Variants in CAGE1 observed in about 807,000 individuals in gnomAD.
CAGE1 encodes cancer-associated gene 1 protein.
Under a neutral mutation model 94.9 loss-of-function variants are expected in CAGE1, and 66 were observed. That is an observed-to-expected ratio of 0.70 (90% CI 0.57 to 0.85). The LOEUF is 0.85. CAGE1 is among the 40% of genes least tolerant of loss of function. The pLI, the probability that CAGE1 is intolerant of heterozygous loss-of-function variation, is 0.00. For missense variants in CAGE1, 865 were observed against 950.4 expected (o/e 0.91, Z 1.18); for synonymous variants, 319 against 321.0 (o/e 0.99, Z 0.07).
rs1385506708 is a variant in CAGE1 at position 7,386,984 on chromosome 6, G to A, written c.190C>T (p.Pro64Ser). The change falls in exon 2 of 14, where the codon CCT (proline) becomes TCT (serine). Residue 64 changes from proline to serine, a missense_variant. By Grantham distance (74) the Pro-to-Ser change is moderately conservative (BLOSUM62 -1). Coordinates refer to ENST00000502583, the MANE Select transcript of CAGE1 (RefSeq NM_001170692.2). Reference protein sequence around the residue: ...METTGTTCDLPQNEIKNFERE... With the variant: ...METTGTTCDLSQNEIKNFERE... ...AACTTATAAGCAATGCACACCTGAGGCAAGTCACAAGTGGTGCCGGTGGTT... is the reference window on the plus strand; with the variant it reads ...AACTTATAAGCAATGCACACCTGAGACAAGTCACAAGTGGTGCCGGTGGTT... 6.5e-7 allele frequency: 1 copy of A among 1,548,878 alleles called. No individual in the cohort carries two copies.
At position 7,355,061 on chromosome 6, in the gene CAGE1, T is replaced by C. The variant is rs199529631; in HGVS notation, c.2349A>G (p.Ile783Met). 198 of 1,609,210 alleles carry C rather than the reference T, an allele frequency of 1.2e-4. No homozygotes were observed. The highest frequency in any genetic ancestry group is 1.9e-5 in the Non-Finnish European group (22 of 1,177,202). ...CTTACTGTGCAATCTGGGAGTGGGA[T>C]ATTGCAAGCCTTTGGTCAGCACATT... ...IIECADQRLA[I>M]SHSQIAHLEE... Residue 783 changes from isoleucine to methionine, a missense_variant, in exon 11 of 14, where the codon ATA becomes ATG. Physicochemically the swap from Ile to Met is conservative, Grantham distance 10 (BLOSUM62 1). Transcript: ENST00000502583.
At chr6:7,333,669 TATATACA>T (rs1758844831) in intron 12 of CAGE1, among the ~76,000 whole-genome samples, 3 of 84,440 alleles carry the variant, frequency 3.6e-5, no homozygotes, top group African/African-American at 1.9e-4. Context: ...TATATATATA[TATATACA>T]TTTTTTTTTT....
intron 11 of CAGE1, chr6:7,341,674 T>G (rs1759182195): frequency 1.4e-6 from 1 of 721,860 alleles, no homozygotes; most frequent in Non-Finnish European, 2.6e-6. Context: ...CAACTCAACC[T>G]TCACGTACAG....
chr6:7,345,150 T>C (rs899384086), intron 11 of CAGE1, among the ~76,000 whole-genome samples: 1 of 42,656 alleles, frequency 2.3e-5, no homozygotes, highest in African/African-American at 1.7e-4. Flanking sequence ...AGGAGCTAGG[T>C]CCATATTGCT....
At position 7,326,740 on chromosome 6, in the gene CAGE1, T is replaced by C; in HGVS notation, c.*118A>G. 1 of 756,258 alleles carries C rather than the reference T, an allele frequency of 1.3e-6. No individual in the cohort carries two copies. Among genetic ancestry groups the C allele is most frequent in the Non-Finnish European group, 2.3e-6 (1 of 429,622 alleles). The allele number at this position is 756,258 out of a possible 1,614,324, so 46.8% of individuals were successfully genotyped here. ...ATCACATCTTTGGAATGTAAGACTT[T>C]ACCCTTTATACAGATTTTAATATAT... On this transcript the variant is annotated 3_prime_UTR_variant, in exon 14 of 14. Transcript: ENST00000502583.
At chr6:7,360,075 T>G (rs796139566) in intron 9 of CAGE1, among the ~76,000 whole-genome samples, 14 of 152,308 alleles carry the variant, frequency 9.2e-5, no homozygotes, top group African/African-American at 2.9e-4. Flanking sequence ...AGCCAGCAAG[T>G]GTCGTAGCTT....
Position 7,356,048 on chromosome 6 carries a change from G to T in CAGE1, c.2275C>A (p.His759Asn). Residue 759 changes from histidine (H) to asparagine (N), a missense_variant, in exon 10 of 14, where the codon CAT becomes AAT. His to Asn is a moderately conservative substitution (Grantham distance 68, BLOSUM62 1). Transcript: ENST00000502583. ...LIEENDKYQRHLGNLIKKVTS... is the reference protein window; with the variant it reads ...LIEENDKYQRNLGNLIKKVTS... The stretch of plus-strand genomic sequence containing the variant: ...ACCTTCTTTATTAAGTTGCCTAAAT[G>T]TCTTTGATACTTGTCATTTTCTTCA... 6.5e-7 allele frequency: 1 copy of T among 1,544,436 alleles called. No individual in the cohort carries two copies. Among genetic ancestry groups the T allele is most frequent in the Non-Finnish European group, 8.8e-7 (1 of 1,140,460 alleles).
intron 11 of CAGE1, chr6:7,347,222 A>C (rs1430415617): frequency 6.6e-6 from 1 of 152,212 alleles, no homozygotes; most frequent in Non-Finnish European, 1.5e-5. Flanking sequence ...CCTCTGAAGG[A>C]AGCGGACTGC....
Position 7,346,498 on chromosome 6 carries a change from A to G in CAGE1, c.2369+8543T>C, listed in dbSNP as rs539796057. 3.6e-4 allele frequency among the ~76,000 whole-genome samples: 55 copies of G among 152,218 alleles called. No homozygotes were observed. In the South Asian group the frequency reaches 0.011, roughly 31 times the overall value. The stretch of plus-strand genomic sequence containing the variant: ...CAGGAGATGGAGATTGCAGTGAGCC[A>G]AGACTGCGCCACTGCACTCCGGCCT... On this transcript the variant is annotated intron_variant, in intron 11 of 13. Transcript: ENST00000502583.
intron 11 of CAGE1, among the ~76,000 whole-genome samples, chr6:7,351,556 C>T (rs1329256915): frequency 2.5e-5 from 2 of 81,018 alleles, no homozygotes; most frequent in East Asian, 3.4e-4. Context: ...AAAATAAGAT[C>T]ACAGCATTTT....
intron 9 of CAGE1, among the ~76,000 whole-genome samples, chr6:7,364,046 C>T (rs1581685215): frequency 6.6e-6 from 1 of 152,276 alleles, no homozygotes; most frequent in Admixed American, 6.5e-5. Flanking sequence ...CATTTGTGAC[C>T]TTGTTCCCAT....
chr6:7,347,612 A>G (rs372123375), intron 11 of CAGE1, among the ~76,000 whole-genome samples: 1,717 of 152,150 alleles, frequency 0.011, 19 homozygotes, highest in Non-Finnish European at 0.019. Flanking sequence ...TCTGGTTTGC[A>G]GACTCCACAG....
intron 9 of CAGE1, among the ~76,000 whole-genome samples, chr6:7,360,872 G>A (rs925944921): frequency 3.3e-5 from 5 of 151,860 alleles, no homozygotes; most frequent in African/African-American, 4.8e-5. Flanking sequence ...ACTTGAACCC[G>A]GGAGGTGGAG....
At chr6:7,349,670 T>C (rs4960306) in intron 11 of CAGE1, among the ~76,000 whole-genome samples, 57,373 of 152,006 alleles carry the variant, frequency 0.38, 11,005 homozygotes, top group Admixed American at 0.43. Flanking sequence ...CAGTGGCTCA[T>C]GCCTGTAATC....
chr6:7,336,179 A>G (rs148263217), intron 11 of CAGE1, among the ~76,000 whole-genome samples: 53 of 152,356 alleles, frequency 3.5e-4, no homozygotes, highest in Admixed American at 5.9e-4. Flanking sequence ...GAGAAATAAC[A>G]TGGAATAAAT....
intron 9 of CAGE1, among the ~76,000 whole-genome samples, chr6:7,360,548 C>T (rs1486615044): frequency 6.6e-6 from 1 of 152,180 alleles, no homozygotes; most frequent in Non-Finnish European, 1.5e-5. Flanking sequence ...ATAAATCAGG[C>T]ATCATTATTA....
intron 11 of CAGE1, among the ~76,000 whole-genome samples, chr6:7,352,287 C>A (rs1479539483): frequency 2.0e-5 from 2 of 102,060 alleles, no homozygotes; most frequent in East Asian, 2.9e-4. Context: ...TTTACAATAG[C>A]TGCAAAAAAA....
chr6:7,347,144 C>T (rs538619368), intron 11 of CAGE1, among the ~76,000 whole-genome samples: 6 of 152,030 alleles, frequency 3.9e-5, no homozygotes, highest in East Asian at 1.9e-4. Flanking sequence ...TGTGGAGGCT[C>T]GCGTCATGAA....
intron 4 of CAGE1, among the ~76,000 whole-genome samples, chr6:7,376,426 AAAT>A (rs1760746726): frequency 6.7e-6 from 1 of 149,090 alleles, no homozygotes; most frequent in Non-Finnish European, 1.5e-5. Context: ...ATAAATAAAT[AAAT>A]AAATAAAATA....
Sources: allele counts gnomAD v4.1 joint callset (sites outside exome capture counted in the v4.1 genomes callset), GRCh38; gene constraint gnomAD v4.1.1; transcripts MANE v1.5; gene names NCBI Gene and HGNC (gene_info 2026-07-23, HGNC 2026-07-21).